PCDHA6: variants seen among roughly 807,000 people sequenced by gnomAD.
PCDHA6 encodes the protein protocadherin alpha 6.
In PCDHA6, 55 loss-of-function variants were observed where a neutral mutation model predicts 60.3. The ratio of observed to expected loss-of-function variants is 0.91; its 90% CI spans 0.73 to 1.14. The LOEUF (loss-of-function observed/expected upper bound fraction) is 1.14. Ranked by LOEUF, PCDHA6 falls within the 50% of genes most tolerant of loss-of-function variation. The probability of loss-of-function intolerance (pLI) is 0.00; values close to 1 mark genes in which losing one functional copy is unlikely to be tolerated. For missense variants in PCDHA6, 1,327 were observed against 1,256.5 expected (o/e 1.06, Z -0.85); for synonymous variants, 652 against 557.9 (o/e 1.17, Z -2.38).
chr5:140,844,257 G>A lies in PCDHA6; in HGVS notation c.2394+13772G>A, dbSNP rs1328189428. Among the ~76,000 whole-genome samples, 4 of 149,406 alleles carry A rather than the reference G, an allele frequency of 2.7e-5. 1 individual carries two copies. Among genetic ancestry groups the A allele is most frequent in the African/African-American group, 9.8e-5 (4 of 40,832 alleles). ...CACTATTGCCGTTTTAAGCAGTGTA[G>A]TGATAAAATACAGAATGATAGTGTT... On this transcript the variant is annotated intron_variant, in intron 1 of 3. Transcript: ENST00000529310.
At chr5:140,967,272 T>C in intron 1 of PCDHA6, 2 of 1,613,412 alleles carry the variant, frequency 1.2e-6, no homozygotes, top group Non-Finnish European at 1.7e-6. Flanking sequence ...CGCTTTCACA[T>C]AGAGAGTGCG....
chr5:140,885,485 T>C (rs2060611651), intron 1 of PCDHA6, among the ~76,000 whole-genome samples: 1 of 152,188 alleles, frequency 6.6e-6, no homozygotes, highest in Non-Finnish European at 1.5e-5. Context: ...GTGTCAAGTG[T>C]TCTGTTATCT....
intron 1 of PCDHA6, among the ~76,000 whole-genome samples, chr5:140,950,995 C>T (rs1554219713): frequency 6.6e-6 from 1 of 151,856 alleles, no homozygotes; most frequent in Non-Finnish European, 1.5e-5. Flanking sequence ...TCTTTTAGCT[C>T]CATTTTTCCC....
intron 1 of PCDHA6, chr5:140,967,255 T>G (rs202164321): frequency 2.5e-6 from 4 of 1,613,342 alleles, no homozygotes; most frequent in Non-Finnish European, 3.4e-6. Context: ...CGGTGGCGCC[T>G]GGAGCGCGCT....
rs145079458 is a variant in PCDHA6, at chr5:140,855,999, T to C, written c.2394+25514T>C. 135 of 1,513,714 alleles carry C rather than the reference T, an allele frequency of 8.9e-5. 2 individuals are homozygous for C. The East Asian group carries it at 2.5e-3, about 28-fold the overall frequency. 93.8% of individuals were successfully genotyped at this position (1,513,714 alleles called of 1,614,324 possible). On this transcript the variant is annotated intron_variant, in intron 1 of 3. Transcript: ENST00000529310. ...AGGACAGAAAATGTCAGATCGTATG[T>C]GCGTTCTAGACCGCTGATTCGTCGA... is the stretch of plus-strand genomic sequence containing the variant.
chr5:140,837,516 C>CA (rs149634951), intron 1 of PCDHA6, among the ~76,000 whole-genome samples: 2,511 of 151,672 alleles, frequency 0.017, 104 homozygotes, highest in African/African-American at 0.056. Flanking sequence ...AAGCAGTTTA[C>CA]TTTTTTTGTA....
chr5:140,884,503 A>C (rs782488569), intron 1 of PCDHA6: 82 of 1,613,940 alleles, frequency 5.1e-5, no homozygotes, highest in Middle Eastern at 1.6e-4. Flanking sequence ...CCAGCGCGGC[A>C]GGGAGTTGGT....
chr5:140,921,741 A>AT (rs1554200411), intron 1 of PCDHA6, among the ~76,000 whole-genome samples: 1 of 152,202 alleles, frequency 6.6e-6, no homozygotes, highest in Non-Finnish European at 1.5e-5. Context: ...AATTATAAGC[A>AT]TAACAGGACA....
chr5:140,842,589 T>G, intron 1 of PCDHA6: 1 of 1,529,168 alleles, frequency 6.5e-7, no homozygotes, highest in Non-Finnish European at 8.9e-7. Flanking sequence ...GCCTATGAGT[T>G]GGTGGTAACC....
chr5:140,836,169 G>T (rs1386598071), intron 1 of PCDHA6: 1 of 1,613,722 alleles, frequency 6.2e-7, no homozygotes, highest in East Asian at 2.2e-5. Flanking sequence ...GAAGGTACGT[G>T]CAGTTGACGC....
At chr5:140,941,247 CT>C (rs1398354432) in intron 1 of PCDHA6, among the ~76,000 whole-genome samples, 1 of 128,506 alleles carries the variant, frequency 7.8e-6, no homozygotes, top group African/African-American at 2.9e-5. Context: ...TTCTTTCTTT[CT>C]TTCTTTCTCT....
chr5:140,976,149 A>C (rs1397618914), intron 1 of PCDHA6, among the ~76,000 whole-genome samples: 1 of 152,182 alleles, frequency 6.6e-6, no homozygotes, highest in Non-Finnish European at 1.5e-5. Context: ...ACTCATGTAC[A>C]TTTTACTACT....
chr5:140,833,751 A>AAC (rs2150210782), intron 1 of PCDHA6, among the ~76,000 whole-genome samples: 78,872 of 151,236 alleles, frequency 0.52, 20,702 homozygotes, highest in Middle Eastern at 0.64. Flanking sequence ...CTAAAAAGAA[A>AAC]ACACACACAC....
intron 1 of PCDHA6, among the ~76,000 whole-genome samples, chr5:140,912,343 ATTTTT>A (rs35252606): frequency 7.0e-6 from 1 of 143,858 alleles, no homozygotes; most frequent in Non-Finnish European, 1.5e-5. Context: ...TACACTAAGT[ATTTTT>A]TTTTTTTTTT....
chr5:140,928,158 AC>A, intron 1 of PCDHA6: 7 of 1,614,066 alleles, frequency 4.3e-6, no homozygotes, highest in Non-Finnish European at 5.9e-6. Flanking sequence ...ATAGTGGCTC[AC>A]CCCCACTTAG....
At chr5:140,837,652 CCTTTTTCTTTCATT>C (rs2150143290) in intron 1 of PCDHA6, among the ~76,000 whole-genome samples, 1 of 148,754 alleles carries the variant, frequency 6.7e-6, no homozygotes, top group South Asian at 2.1e-4. Flanking sequence ...TTTCTTTCTT[CCTTTTTCTTTCATT>C]CTTTTTCTTT....
intron 1 of PCDHA6, among the ~76,000 whole-genome samples, chr5:140,933,323 T>C (rs935740276): frequency 6.6e-6 from 1 of 152,016 alleles, no homozygotes; most frequent in Admixed American, 6.6e-5. Flanking sequence ...CGTATTCTCC[T>C]GTGCTGTAGA....
chr5:140,914,229 TA>T (rs1253173765), intron 1 of PCDHA6, among the ~76,000 whole-genome samples: 3 of 152,224 alleles, frequency 2.0e-5, no homozygotes, highest in Non-Finnish European at 4.4e-5. Flanking sequence ...GCTCTAATAC[TA>T]TTTGCTTTTT....
intron 1 of PCDHA6, chr5:140,883,358 C>A (rs1554177826): frequency 6.2e-7 from 1 of 1,614,192 alleles, no homozygotes; most frequent in South Asian, 1.1e-5. Context: ...AGAAGACACT[C>A]AGCCTAGCGC....
Sources: gnomAD v4.1 joint callset for allele counts (sites outside exome capture counted in the v4.1 genomes callset) on GRCh38, gnomAD v4.1.1 for gene constraint, MANE v1.5 for transcripts, NCBI Gene and HGNC (gene_info 2026-07-23, HGNC 2026-07-21) for gene names.